Variants in DLC1 observed in about 807,000 individuals in gnomAD.
DLC1 encodes DLC1 Rho GTPase activating protein, also known as rho GTPase-activating protein 7.
In DLC1, 54 loss-of-function variants were observed where a neutral mutation model predicts 140.3. The ratio of observed to expected loss-of-function variants is 0.38; its 90% confidence interval spans 0.31 to 0.48. The LOEUF (loss-of-function observed/expected upper bound fraction) is 0.48, where lower values mean the gene tolerates loss of function less well. Ranked by LOEUF, DLC1 falls within the 20% of genes least tolerant of loss-of-function variation. The pLI is 0.96. For missense variants in DLC1, 2,536 were observed against 1,907.0 expected (o/e 1.33, Z -6.14); for synonymous variants, 986 against 728.1 (o/e 1.35, Z -5.70).
At chr8:13,347,450 G>A (rs1176566956) in intron 4 of DLC1, among the ~76,000 whole-genome samples, 1 of 152,200 alleles carries the variant, frequency 6.6e-6, no homozygotes, top group Admixed American at 6.5e-5. Flanking sequence ...TCCTTGAGTA[G>A]TGGTGTCGGG....
At chr8:13,422,248 A>G (rs903765280) in intron 2 of DLC1, among the ~76,000 whole-genome samples, 3 of 152,138 alleles carry the variant, frequency 2.0e-5, no homozygotes, top group African/African-American at 7.2e-5. Context: ...TTTTCAAAAG[A>G]TGAGGTTTAA....
chr8:13,184,054 G>A (rs1826199947), intron 5 of DLC1, among the ~76,000 whole-genome samples: 1 of 152,172 alleles, frequency 6.6e-6, no homozygotes, highest in South Asian at 2.1e-4. Context: ...GAGGGTGTAT[G>A]TGTCCAGGAA....
At chr8:13,440,374 A>G (rs1489908314) in intron 2 of DLC1, among the ~76,000 whole-genome samples, 3 of 152,206 alleles carry the variant, frequency 2.0e-5, no homozygotes, top group African/African-American at 7.2e-5. Context: ...ATTTGAAAAC[A>G]TGTTAACAAA....
chr8:13,434,635 G>C (rs1388409571), intron 2 of DLC1, among the ~76,000 whole-genome samples: 1 of 152,164 alleles, frequency 6.6e-6, no homozygotes, highest in African/African-American at 2.4e-5. Context: ...CACATCCACT[G>C]TGCAGCTGAT....
At chr8:13,095,328 C>A (rs1818421773) in intron 10 of DLC1, 83 bp from the exon 11 acceptor site, 1 of 1,546,334 alleles carries the variant, frequency 6.5e-7, no homozygotes, top group Non-Finnish European at 8.9e-7. Flanking sequence ...GCAGGCAAAC[C>A]CTGTGGGCTC....
At chr8:13,114,177 C>T (rs576289375) in intron 6 of DLC1, among the ~76,000 whole-genome samples, 3 of 152,312 alleles carry the variant, frequency 2.0e-5, no homozygotes, top group Non-Finnish European at 4.4e-5. Context: ...GCTTGGCCAA[C>T]ATGGTAAAAC....
intron 5 of DLC1, among the ~76,000 whole-genome samples, chr8:13,259,139 G>GA (rs776038964): frequency 0.05 from 3,318 of 66,646 alleles, 91 homozygotes; most frequent in African/African-American, 0.091. Context: ...TCCGTCTCAA[G>GA]AAAAAAAAAA....
chr8:13,553,860 G>T lies in DLC1; in HGVS notation c.-126+50677C>A, dbSNP rs578220044. 5.4e-4 allele frequency among the ~76,000 whole-genome samples: 82 copies of T among 152,068 alleles called. No homozygotes were observed. The South Asian group carries it at 0.013, about 24-fold the overall frequency. On this transcript the variant is annotated intron_variant, in intron 1 of 1. Transcript: ENST00000631382. ...AATTCTTAGCCCTTATCTTACTCGA[G>T]GACATTTGATATATTTGAACACTTC...
At chr8:13,519,151 G>A (rs541987764), upstream of DLC1, among the ~76,000 whole-genome samples, 79 of 117,442 alleles carry the variant, frequency 6.7e-4, no homozygotes, top group Non-Finnish European at 1.1e-3. Context: ...CTCCCCAGAT[G>A]TAGTCTCACT....
At chr8:13,556,829 C>G (rs1306637811) in intron 1 of DLC1, among the ~76,000 whole-genome samples, 2 of 152,194 alleles carry the variant, frequency 1.3e-5, no homozygotes, top group African/African-American at 4.8e-5. Flanking sequence ...TATTGCTAGA[C>G]TATCAAATGC....
intron 2 of DLC1, among the ~76,000 whole-genome samples, chr8:13,418,087 T>G (rs1232275329): frequency 1.3e-5 from 2 of 152,216 alleles, no homozygotes; most frequent in East Asian, 3.9e-4. Context: ...TAAATTTGTT[T>G]GAGTTCATTG....
At chr8:13,263,320 C>T (rs891913726) in intron 5 of DLC1, among the ~76,000 whole-genome samples, 2 of 151,986 alleles carry the variant, frequency 1.3e-5, no homozygotes, top group East Asian at 1.9e-4. Flanking sequence ...CTCAGATGGT[C>T]GCTCTTTCCA....
intron 4 of DLC1, among the ~76,000 whole-genome samples, chr8:13,387,783 T>C (rs1344159316): frequency 6.6e-6 from 1 of 152,118 alleles, no homozygotes; most frequent in African/African-American, 2.4e-5. Context: ...GGTAATACCG[T>C]GCAATGATCC....
rs1452685523 is a variant in DLC1, at chr8:13,191,507, A to G, written c.1349-75850T>C. 2.6e-5 allele frequency among the ~76,000 whole-genome samples: 4 copies of G among 152,366 alleles called. No homozygotes were observed. The East Asian group carries it at 7.7e-4, about 29-fold the overall frequency. On this transcript the variant is annotated intron_variant, in intron 5 of 17. Transcript: ENST00000276297. Reference sequence around the variant, plus strand: ...CTCTGTCTCAAAAACAACAACAACAACAAACCCTTAACGACCAGAACAGTA... The same window carrying G: ...CTCTGTCTCAAAAACAACAACAACAGCAAACCCTTAACGACCAGAACAGTA...
chr8:13,240,033 T>C (rs1585982754), intron 5 of DLC1, among the ~76,000 whole-genome samples: 1 of 152,142 alleles, frequency 6.6e-6, no homozygotes, highest in Middle Eastern at 3.2e-3. Flanking sequence ...ATAATCTTCA[T>C]CTTCAAATGC....
chr8:13,550,101 C>G (rs962875728), intron 1 of DLC1, among the ~76,000 whole-genome samples: 2 of 152,094 alleles, frequency 1.3e-5, no homozygotes, highest in Admixed American at 6.6e-5. Context: ...TGGTTTGGCT[C>G]TTTGTCCCCA....
upstream of DLC1, among the ~76,000 whole-genome samples, chr8:13,518,981 A>AT (rs1329989052): frequency 2.6e-5 from 4 of 151,968 alleles, no homozygotes; most frequent in Admixed American, 1.3e-4. Context: ...ATTATCAAGA[A>AT]TTTTTTTATT....
At chr8:13,287,736 A>T (rs1831584216) in intron 5 of DLC1, among the ~76,000 whole-genome samples, 1 of 152,234 alleles carries the variant, frequency 6.6e-6, no homozygotes, top group African/African-American at 2.4e-5. Flanking sequence ...TGGCACCAAG[A>T]CTAGATCGCC....
In DLC1 at chr8:13,264,348, C is replaced by T. The variant is rs1041912561; in HGVS notation, c.1348+40921G>A. On this transcript the variant is annotated intron_variant, in intron 5 of 17. Coordinates refer to ENST00000276297, the MANE Select transcript of DLC1 (RefSeq NM_182643.3). The stretch of plus-strand genomic sequence containing the variant: ...TCGGCCTCCCACAGTGCTGGGATTA[C>T]GGGTGTCAGCTACTGTGCCCAGCCC... Among the ~76,000 whole-genome samples the T allele has an allele frequency of 3.9e-5, 6 of 152,164 alleles. No homozygotes were observed. In the East Asian group the frequency reaches 7.7e-4, roughly 20 times the overall value.
Sources: allele counts gnomAD v4.1 joint callset (sites outside exome capture counted in the v4.1 genomes callset), GRCh38; gene constraint gnomAD v4.1.1; transcripts MANE v1.5; gene names NCBI Gene and HGNC (gene_info 2026-07-23, HGNC 2026-07-21).